The following RALYL variants were observed in gnomAD, a reference collection of about 807,000 sequenced individuals.
The protein encoded by RALYL is RNA-binding Raly-like protein.
In RALYL, 29 loss-of-function variants were observed where a neutral mutation model predicts 35.1. That is an observed-to-expected ratio of 0.83 (90% CI 0.61 to 1.13). RALYL has a LOEUF of 1.13. Ranked by LOEUF, RALYL falls within the 50% of genes most tolerant of loss-of-function variation. The pLI is 0.00. For synonymous variants in RALYL, 120 were observed against 127.6 expected (o/e 0.94, Z 0.40); for missense variants, 359 against 360.4 (o/e 1.00, Z 0.03).
intron 1 of RALYL, among the ~76,000 whole-genome samples, chr8:84,390,520 G>A (rs888383198): frequency 6.6e-6 from 1 of 151,962 alleles, no homozygotes; most frequent in Non-Finnish European, 1.5e-5. Context: ...CAATTTCAGA[G>A]CCTGTTATTG....
chr8:84,251,790 T>C (rs1830240261), intron 1 of RALYL, among the ~76,000 whole-genome samples: 1 of 152,230 alleles, frequency 6.6e-6, no homozygotes, highest in Non-Finnish European at 1.5e-5. Context: ...CTTTTGTTTT[T>C]TGTGTGTATT....
At chr8:84,729,611 G>A (rs1475922805) in intron 2 of RALYL, among the ~76,000 whole-genome samples, 1 of 151,972 alleles carries the variant, frequency 6.6e-6, no homozygotes, top group African/African-American at 2.4e-5. Context: ...TTTTTGAAAG[G>A]ATCAATGAAA....
At chr8:84,464,653 C>G (rs1339058353) in intron 1 of RALYL, among the ~76,000 whole-genome samples, 2 of 151,952 alleles carry the variant, frequency 1.3e-5, no homozygotes, top group Non-Finnish European at 2.9e-5. Context: ...TGGGTATATA[C>G]CCAGTAATGG....
chr8:84,524,936 A>T (rs2058758837), intron 1 of RALYL, among the ~76,000 whole-genome samples: 1 of 151,694 alleles, frequency 6.6e-6, no homozygotes, highest in Non-Finnish European at 1.5e-5. Flanking sequence ...AAACATAAAT[A>T]GCTAGATGTA....
At chr8:84,403,700 T>C (rs1387407403) in intron 1 of RALYL, among the ~76,000 whole-genome samples, 1 of 151,912 alleles carries the variant, frequency 6.6e-6, no homozygotes, top group African/African-American at 2.4e-5. Context: ...TTTAAAGTAG[T>C]TTTTTTCTAA....
intron 2 of RALYL, among the ~76,000 whole-genome samples, chr8:84,689,970 T>C (rs1427683111): frequency 1.3e-5 from 2 of 152,184 alleles, no homozygotes; most frequent in African/African-American, 4.8e-5. Flanking sequence ...TGGAACAGTA[T>C]TGAGGTTCCT....
At chr8:84,621,328 C>A (rs1236916779) in intron 2 of RALYL, among the ~76,000 whole-genome samples, 1 of 152,184 alleles carries the variant, frequency 6.6e-6, no homozygotes, top group African/African-American at 2.4e-5. Flanking sequence ...GTCGGAAAAG[C>A]GCAGTATTCG....
At chr8:84,351,156 A>C (rs1374845998) in intron 1 of RALYL, among the ~76,000 whole-genome samples, 3 of 150,398 alleles carry the variant, frequency 2.0e-5, no homozygotes, top group Non-Finnish European at 4.4e-5. Flanking sequence ...TATTTATAAC[A>C]GACAAAACCA....
At chr8:84,454,429 G>A (rs566608090) in intron 1 of RALYL, among the ~76,000 whole-genome samples, 292 of 151,918 alleles carry the variant, frequency 1.9e-3, no homozygotes, top group Middle Eastern at 6.8e-3. Context: ...GACTACTTGC[G>A]ATCTTTAAGG....
At chr8:84,544,430 TTTTA>T (rs1387133989) in intron 2 of RALYL, among the ~76,000 whole-genome samples, 1 of 152,034 alleles carries the variant, frequency 6.6e-6, no homozygotes, top group Non-Finnish European at 1.5e-5. Flanking sequence ...ATGTCAGATT[TTTTA>T]TTTGTCTTTT....
At chr8:84,790,778 G>GA (rs1820587711) in intron 3 of RALYL, among the ~76,000 whole-genome samples, 1 of 152,196 alleles carries the variant, frequency 6.6e-6, no homozygotes, top group South Asian at 2.1e-4. Flanking sequence ...GTGATGTACA[G>GA]AAAATAGAAG....
intron 6 of RALYL, among the ~76,000 whole-genome samples, chr8:84,870,723 A>G (rs1840048379): frequency 6.6e-6 from 1 of 152,134 alleles, no homozygotes. Context: ...TAGAAAGAGC[A>G]GTACATGAGA....
intron 1 of RALYL, among the ~76,000 whole-genome samples, chr8:84,528,603 G>C (rs1228981529): frequency 6.6e-6 from 1 of 152,054 alleles, no homozygotes; most frequent in Non-Finnish European, 1.5e-5. Context: ...GCTGATCATT[G>C]ATGAACACTG....
chr8:84,879,071 A>G (rs571930817), intron 7 of RALYL, among the ~76,000 whole-genome samples: 5 of 152,288 alleles, frequency 3.3e-5, no homozygotes, highest in African/African-American at 1.2e-4. Flanking sequence ...TTCCTAAAGC[A>G]TGGACTCTAA....
chr8:84,528,790 G>A (rs984887400), intron 1 of RALYL, among the ~76,000 whole-genome samples: 7 of 151,940 alleles, frequency 4.6e-5, no homozygotes, highest in Non-Finnish European at 8.8e-5. Flanking sequence ...AGCCTTTAAT[G>A]GAACAAATTG....
chr8:84,246,108 T>C (rs1248588303), intron 1 of RALYL, among the ~76,000 whole-genome samples: 1 of 152,146 alleles, frequency 6.6e-6, no homozygotes, highest in Non-Finnish European at 1.5e-5. Flanking sequence ...TGGGTAATTA[T>C]GCCAAGAACA....
At position 84,529,316 on chromosome 8, in the gene RALYL, C is replaced by T; in HGVS notation, c.-6C>T. 1 of 1,564,442 alleles carries T rather than the reference C, an allele frequency of 6.4e-7. No individual in the cohort carries two copies. Among genetic ancestry groups the T allele is most frequent in the Non-Finnish European group, 8.7e-7 (1 of 1,152,680 alleles). Reference sequence around the variant, plus strand: ...TGTTTAAGGATTAAAGCAAGGAGAGCCAATCATGACTGGCAAAACACAGAC... The same window carrying T: ...TGTTTAAGGATTAAAGCAAGGAGAGTCAATCATGACTGGCAAAACACAGAC... On this transcript the variant is annotated 5_prime_UTR_variant, in exon 2 of 9. Transcript: ENST00000521268.
chr8:84,482,231 TC>T lies in RALYL; in HGVS notation c.-23-47067del, dbSNP rs1010564673. The stretch of plus-strand genomic sequence containing the variant: ...TACAGCTCTCCTTTGTTTAATTTTT[TC>T]AAATGAGGATAAAGACAATATCCCA... On this transcript the variant is annotated intron_variant, in intron 1 of 8. Transcript: ENST00000521268. Among the ~76,000 whole-genome samples the T allele has an allele frequency of 1.4e-4, 21 of 152,184 alleles. 2 individuals are homozygous for T. In the South Asian group the frequency reaches 4.1e-3, roughly 30 times the overall value.
At chr8:84,450,615 T>A (rs2049359268) in intron 1 of RALYL, among the ~76,000 whole-genome samples, 1 of 152,010 alleles carries the variant, frequency 6.6e-6, no homozygotes, top group Non-Finnish European at 1.5e-5. Context: ...AATACCTTTT[T>A]AATTCAATGT....
Sources: gnomAD v4.1 joint callset for allele counts (sites outside exome capture counted in the v4.1 genomes callset) on GRCh38, gnomAD v4.1.1 for gene constraint, MANE v1.5 for transcripts, NCBI Gene and HGNC (gene_info 2026-07-23, HGNC 2026-07-21) for gene names.